ELL: variants seen among roughly 807,000 people sequenced by gnomAD.
ELL encodes the protein elongation factor for RNA polymerase II, also known as RNA polymerase II elongation factor ELL.
Under a neutral mutation model 64.0 loss-of-function variants are expected in ELL, and 18 were observed. The observed-to-expected ratio is 0.28, with a 90% confidence interval of 0.19 to 0.42. The LOEUF is 0.42. Among genes scored for constraint, ELL ranks in the 10% least tolerant of loss-of-function variants. The pLI is 1.00. For missense variants in ELL, 797 were observed against 870.4 expected, an observed-to-expected ratio of 0.92 and a Z score of 1.06; for synonymous variants, 399 against 376.2, an observed-to-expected ratio of 1.06 and a Z score of -0.70.
chr19:18,514,100 A>G (rs1017607428), intron 1 of ELL, among the ~76,000 whole-genome samples: 1 of 152,132 alleles, frequency 6.6e-6, no homozygotes, highest in Admixed American at 6.6e-5. Context: ...TATAATTAGC[A>G]TCAGACTCTG....
chr19:18,519,052 A>C (rs1182113206), intron 1 of ELL, among the ~76,000 whole-genome samples: 1 of 151,868 alleles, frequency 6.6e-6, no homozygotes, highest in Non-Finnish European at 1.5e-5. Flanking sequence ...AATTTGTAAA[A>C]GCCTCTTCAC....
chr19:18,491,086 T>C (rs1975522584), intron 1 of ELL, among the ~76,000 whole-genome samples: 2 of 152,030 alleles, frequency 1.3e-5, no homozygotes, highest in Non-Finnish European at 2.9e-5. Context: ...AGTAGACTGT[T>C]TTGTTTTTTC....
chr19:18,465,374 C>T, intron 4 of ELL, 38 bp downstream of exon 4: 1 of 1,549,218 alleles, frequency 6.5e-7, no homozygotes, highest in Non-Finnish European at 8.7e-7. Flanking sequence ...CTGGCAGCTG[C>T]CCGGCTGCCC....
intron 7 of ELL, 101 bp downstream of exon 7, chr19:18,451,451 A>G (rs1351743259): frequency 9.2e-7 from 1 of 1,083,190 alleles, no homozygotes; most frequent in Admixed American, 3.7e-5. Flanking sequence ...GGAGCAGCTC[A>G]TGCTCCAAAG....
At chr19:18,459,577 T>C (rs1974757924) in intron 5 of ELL, among the ~76,000 whole-genome samples, 1 of 140,114 alleles carries the variant, frequency 7.1e-6, no homozygotes, top group Admixed American at 7.5e-5. Context: ...TAGAGTGCAA[T>C]GGCGCTATCT....
chr19:18,508,117 T>G (rs1440506499), intron 1 of ELL, among the ~76,000 whole-genome samples: 11 of 152,162 alleles, frequency 7.2e-5, no homozygotes, highest in African/African-American at 2.4e-4. Flanking sequence ...GGGACTCCCA[T>G]GCGGGCTGAG....
chr19:18,446,814 C>A lies in ELL; in HGVS notation c.1466G>T (p.Gly489Val), dbSNP rs1310057166. ...GGAAACGCTGCAGGTTCCGTTTAAA[C>A]CTACGAGAGCAAACACATACCTCCT... is the stretch of plus-strand genomic sequence containing the variant. ...ATPGAPADTP[G>V]LNGTCSVSSV... The change falls in exon 9 of 12, where the codon GGT (glycine) becomes GTT (valine). Residue 489 changes from glycine (G) to valine (V), a missense_variant and splice_region_variant. Coordinates refer to ENST00000262809, the MANE Select transcript of ELL (RefSeq NM_006532.4). 3 of 1,613,948 alleles carry A rather than the reference C, an allele frequency of 1.9e-6. No homozygotes were observed.
intron 1 of ELL, among the ~76,000 whole-genome samples, chr19:18,500,532 G>A (rs1975759420): frequency 6.6e-6 from 1 of 152,222 alleles, no homozygotes; most frequent in Non-Finnish European, 1.5e-5. Context: ...TTCCCAGAGA[G>A]TCCATTCTCA....
At chr19:18,463,012 C>T (rs1164209119) in intron 4 of ELL, among the ~76,000 whole-genome samples, 1 of 152,168 alleles carries the variant, frequency 6.6e-6, no homozygotes, top group Admixed American at 6.5e-5. Context: ...CCTGCTCTGT[C>T]CTGAACAATG....
chr19:18,513,669 C>T (rs8106332), intron 1 of ELL, among the ~76,000 whole-genome samples: 48,514 of 152,030 alleles, frequency 0.32, 9,693 homozygotes, highest in African/African-American at 0.57. Context: ...CAGTGGCTCA[C>T]GCCTGTAATC....
At chr19:18,457,245 C>T (rs180720142) in intron 6 of ELL, among the ~76,000 whole-genome samples, 11 of 152,354 alleles carry the variant, frequency 7.2e-5, no homozygotes, top group African/African-American at 2.6e-4. Context: ...TGCAGCCCAG[C>T]CTTCTCCACC....
intron 4 of ELL, 88 bp from the exon 5 acceptor site, chr19:18,461,940 G>A: frequency 6.6e-7 from 1 of 1,506,958 alleles, no homozygotes; most frequent in Non-Finnish European, 9.0e-7. Flanking sequence ...AGAGGTTTGA[G>A]ACTATAGACA....
chr19:18,497,243 A>G (rs1223816128), intron 1 of ELL, among the ~76,000 whole-genome samples: 4 of 152,264 alleles, frequency 2.6e-5, no homozygotes, highest in Admixed American at 2.0e-4. Context: ...GGGCCTTAAA[A>G]GCATACGACT....
At position 18,446,765 on chromosome 19, in the gene ELL, C is replaced by T; in HGVS notation, c.1515G>A (p.Glu505=). 2 of 1,614,042 alleles carry T rather than the reference C, an allele frequency of 1.2e-6. No individual in the cohort carries two copies. Among genetic ancestry groups the T allele is most frequent in the Non-Finnish European group, 1.7e-6 (2 of 1,180,008 alleles). ...ACACTCACAGCAAGTAGTCAGGCGT[C>T]TCCGACGTGGACGTGGGAACACTGG... ...SVSSVPTSTS[E]TPDYLLKYAA... Residue 505 remains glutamate, a synonymous_variant, in exon 9 of 12, where the codon GAG becomes GAA. Transcript: ENST00000262809.
chr19:18,471,485 T>C (rs759768045), intron 2 of ELL: 11 of 288,978 alleles, frequency 3.8e-5, no homozygotes, highest in Non-Finnish European at 2.1e-5. Flanking sequence ...CTGGCCAACA[T>C]GGTGAAACCC....
chr19:18,488,788 C>T (rs1221147387), intron 1 of ELL, among the ~76,000 whole-genome samples: 1 of 152,200 alleles, frequency 6.6e-6, no homozygotes, highest in Admixed American at 6.5e-5. Flanking sequence ...CTTAAGGCCA[C>T]CAGCTCAGTA....
intron 1 of ELL, among the ~76,000 whole-genome samples, chr19:18,487,098 C>T (rs1450513119): frequency 6.6e-6 from 1 of 152,070 alleles, no homozygotes; most frequent in Admixed American, 6.5e-5. Flanking sequence ...TGCGTGTAGA[C>T]CCTGCTGCTC....
rs139674647 is a variant in ELL at position 18,446,417 on chromosome 19, C to T, written c.1596G>A (p.Glu532=). The T allele has an allele frequency of 5.6e-4, 910 of 1,612,840 alleles. 4 individuals carry two copies. Among genetic ancestry groups the T allele is most frequent in the South Asian group, 8.7e-4 (79 of 90,908 alleles). The change falls in exon 10 of 12, where the codon GAG becomes GAA. Residue 532 remains glutamate, a synonymous_variant. Coordinates refer to ENST00000262809, the MANE Select transcript of ELL (RefSeq NM_006532.4). Reference sequence around the variant, plus strand: ...CGTGCAGGTCGCGGTACTCGCTGTACTCGGCATTGAAGTCGTTCTTGTAGC... The same window carrying T: ...CGTGCAGGTCGCGGTACTCGCTGTATTCGGCATTGAAGTCGTTCTTGTAGC... The part of the protein sequence containing the change: ...RQSYKNDFNA[E]YSEYRDLHAR...
chr19:18,456,720 G>A (rs1272645529), intron 6 of ELL, among the ~76,000 whole-genome samples: 2 of 152,102 alleles, frequency 1.3e-5, no homozygotes, highest in South Asian at 2.1e-4. Context: ...TGAACAAAGA[G>A]AACATGAGTG....
Sources: allele counts gnomAD v4.1 joint callset (sites outside exome capture counted in the v4.1 genomes callset), GRCh38; gene constraint gnomAD v4.1.1; transcripts MANE v1.5; gene names NCBI Gene and HGNC (gene_info 2026-07-23, HGNC 2026-07-21).